Variants in TRPC4 observed in about 807,000 individuals in gnomAD.
TRPC4 encodes the protein transient receptor potential cation channel subfamily C member 4, also known as short transient receptor potential channel 4.
TRPC4 carries 49 observed loss-of-function variants against 99.4 expected under a neutral mutation model. The ratio of observed to expected loss-of-function variants is 0.49; its 90% CI spans 0.39 to 0.63. The LOEUF is 0.63. Among genes scored for constraint, TRPC4 ranks in the 20% least tolerant of loss-of-function variants. The pLI is 0.00. For missense variants in TRPC4, 898 were observed against 1,152.9 expected (o/e 0.78, Z 3.20); for synonymous variants, 454 against 425.9 (o/e 1.07, Z -0.81).
chr13:37,692,470 A>G, intron 3 of TRPC4, 135 bp from the exon 4 acceptor site: 4 of 820,298 alleles, frequency 4.9e-6, no homozygotes, highest in Non-Finnish European at 7.5e-6. Flanking sequence ...AAACAATCAA[A>G]AGGCTTTAAG....
intron 1 of TRPC4, among the ~76,000 whole-genome samples, chr13:37,827,765 G>A (rs924236842): frequency 4.6e-5 from 7 of 152,198 alleles, no homozygotes; most frequent in African/African-American, 1.7e-4. Context: ...GCCTACAGAG[G>A]CAGGCAGGCC....
At chr13:37,721,397 T>C (rs1593587011) in intron 3 of TRPC4, among the ~76,000 whole-genome samples, 1 of 152,286 alleles carries the variant, frequency 6.6e-6, no homozygotes, top group African/African-American at 2.4e-5. Flanking sequence ...GCATTCAAAA[T>C]ATATTTCAGC....
At chr13:37,799,653 C>A (rs968170462) in intron 1 of TRPC4, among the ~76,000 whole-genome samples, 1 of 148,884 alleles carries the variant, frequency 6.7e-6, no homozygotes, top group Admixed American at 6.7e-5. Flanking sequence ...AGACATAAAG[C>A]AAATACTATT....
chr13:37,832,405 G>A (rs1202370636), intron 1 of TRPC4, among the ~76,000 whole-genome samples: 1 of 152,014 alleles, frequency 6.6e-6, no homozygotes, highest in African/African-American at 2.4e-5. Flanking sequence ...AATTAGCTGG[G>A]CGGTGCACCT....
intron 1 of TRPC4, among the ~76,000 whole-genome samples, chr13:37,845,922 C>A (rs972748132): frequency 1.3e-5 from 2 of 151,976 alleles, no homozygotes. Flanking sequence ...CTGAAAGCAG[C>A]AAAAGATAAG....
At chr13:37,825,223 G>C (rs1958166094) in intron 1 of TRPC4, among the ~76,000 whole-genome samples, 1 of 151,926 alleles carries the variant, frequency 6.6e-6, no homozygotes, top group Non-Finnish European at 1.5e-5. Flanking sequence ...CAAAAAACCA[G>C]CTCCTGGATT....
intron 1 of TRPC4, among the ~76,000 whole-genome samples, chr13:37,859,615 C>T (rs1959211429): frequency 6.6e-6 from 1 of 151,328 alleles, no homozygotes; most frequent in Admixed American, 6.6e-5. Flanking sequence ...AAATGAATTT[C>T]CAACCTAGAA....
At chr13:37,786,026 G>T (rs1232020438) in intron 1 of TRPC4, among the ~76,000 whole-genome samples, 1 of 151,978 alleles carries the variant, frequency 6.6e-6, no homozygotes, top group Non-Finnish European at 1.5e-5. Context: ...TTTGCATTAG[G>T]TAATCTATTT....
chr13:37,780,658 C>T (rs1956813760), intron 2 of TRPC4, among the ~76,000 whole-genome samples: 1 of 151,954 alleles, frequency 6.6e-6, no homozygotes, highest in African/African-American at 2.4e-5. Context: ...CAAAGAAAAT[C>T]ACAAATAAAC....
intron 8 of TRPC4, among the ~76,000 whole-genome samples, chr13:37,650,098 T>C (rs1951990135): frequency 6.6e-6 from 1 of 152,206 alleles, no homozygotes; most frequent in Admixed American, 6.5e-5. Flanking sequence ...CCACTGCCAG[T>C]AGGAGAAAGC....
At chr13:37,826,697 G>T (rs946065224) in intron 1 of TRPC4, among the ~76,000 whole-genome samples, 3 of 152,074 alleles carry the variant, frequency 2.0e-5, no homozygotes, top group Non-Finnish European at 4.4e-5. Context: ...CTCTCTGGCT[G>T]CCCTTAACAT....
intron 2 of TRPC4, among the ~76,000 whole-genome samples, chr13:37,757,765 T>C (rs1956131235): frequency 6.6e-6 from 1 of 151,742 alleles, no homozygotes; most frequent in Non-Finnish European, 1.5e-5. Flanking sequence ...TGGAGAAAAG[T>C]CAAAAGTGAG....
At chr13:37,657,837 A>G (rs1952289579) in intron 6 of TRPC4, among the ~76,000 whole-genome samples, 1 of 152,178 alleles carries the variant, frequency 6.6e-6, no homozygotes, top group Admixed American at 6.5e-5. Flanking sequence ...AAATAAAGTG[A>G]CATTTCATGA....
At chr13:37,686,610 A>C (rs971494134) in intron 4 of TRPC4, among the ~76,000 whole-genome samples, 2 of 152,220 alleles carry the variant, frequency 1.3e-5, no homozygotes, top group Non-Finnish European at 2.9e-5. Flanking sequence ...AAACATAAAA[A>C]TGTAAAATAA....
Position 37,778,713 on chromosome 13 carries a change from CT to C in TRPC4, c.378+4242del, listed in dbSNP as rs1044114097. The stretch of plus-strand genomic sequence containing the variant: ...CACTGTTTATAATGTATAGCAAAGT[CT>C]TTTTTTCCAAAGTGGGAATACATAA... On this transcript the variant is annotated intron_variant, in intron 2 of 10. Coordinates refer to ENST00000379705, the MANE Select transcript of TRPC4 (RefSeq NM_016179.4). Among the ~76,000 whole-genome samples, 234 of 152,050 alleles carry C rather than the reference CT, an allele frequency of 1.5e-3. 2 individuals are homozygous for C. The highest frequency in any genetic ancestry group is 5.3e-3 in the African/African-American group (222 of 41,520).
chr13:37,674,604 G>A (rs991844000), intron 4 of TRPC4, among the ~76,000 whole-genome samples: 4 of 152,074 alleles, frequency 2.6e-5, no homozygotes, highest in African/African-American at 9.7e-5. Flanking sequence ...TTATCCATTC[G>A]ATAAATTCAT....
intron 1 of TRPC4, among the ~76,000 whole-genome samples, chr13:37,785,265 G>A (rs1473681248): frequency 1.3e-5 from 2 of 152,012 alleles, no homozygotes; most frequent in Non-Finnish European, 2.9e-5. Context: ...CCTTGGAAAG[G>A]TGGTTGACAC....
chr13:37,745,479 C>A, intron 3 of TRPC4, among the ~76,000 whole-genome samples: 1 of 37,032 alleles, frequency 2.7e-5, no homozygotes, highest in African/African-American at 8.6e-5. Flanking sequence ...TATATACACA[C>A]ACACACACAC....
intron 8 of TRPC4, among the ~76,000 whole-genome samples, chr13:37,647,085 A>C (rs1951877619): frequency 6.6e-6 from 1 of 152,194 alleles, no homozygotes; most frequent in African/African-American, 2.4e-5. Context: ...TATCAGTATT[A>C]CTGGGAAGCC....
Sources: allele counts gnomAD v4.1 joint callset (sites outside exome capture counted in the v4.1 genomes callset), GRCh38; gene constraint gnomAD v4.1.1; transcripts MANE v1.5; gene names NCBI Gene and HGNC (gene_info 2026-07-23, HGNC 2026-07-21).